The following CHSY3 variants were observed in gnomAD, a reference collection of about 807,000 sequenced individuals.
CHSY3 encodes chondroitin sulfate synthase 3.
Under a neutral mutation model 67.2 loss-of-function variants are expected in CHSY3, and 35 were observed. The ratio of observed to expected loss-of-function variants is 0.52; its 90% CI spans 0.40 to 0.69. The LOEUF is 0.69. Ranked by LOEUF, CHSY3 falls within the 30% of genes least tolerant of loss-of-function variation. The probability of loss-of-function intolerance (pLI) is 0.00; values close to 1 mark genes in which losing one functional copy is unlikely to be tolerated. For missense variants in CHSY3, 1,069 were observed against 1,138.5 expected, an observed-to-expected ratio of 0.94 and a Z score of 0.88; for synonymous variants, 474 against 434.7, an observed-to-expected ratio of 1.09 and a Z score of -1.12.
At chr5:129,972,497 G>T (rs1762671184) in intron 2 of CHSY3, among the ~76,000 whole-genome samples, 1 of 151,984 alleles carries the variant, frequency 6.6e-6, no homozygotes, top group South Asian at 2.1e-4. Flanking sequence ...TAAAATTTTT[G>T]ATGTTAATAG....
chr5:130,141,290 G>A, intron 2 of CHSY3: 1 of 429,204 alleles, frequency 2.3e-6, no homozygotes, highest in Non-Finnish European at 4.5e-6. Flanking sequence ...TTCCTATCAA[G>A]CAGACATAGA....
rs74662803 is a variant in CHSY3, at chr5:129,958,236, CTG to C, written c.1086+49878_1086+49879del. Among the ~76,000 whole-genome samples the C allele has an allele frequency of 2.0e-3, 308 of 152,148 alleles. 4 individuals are homozygous for C. In the East Asian group the frequency reaches 0.035, roughly 17 times the overall value. On this transcript the variant is annotated intron_variant, in intron 2 of 2. Coordinates refer to ENST00000305031, the MANE Select transcript of CHSY3 (RefSeq NM_175856.5). ...TTTGTCCTCTTCTTTCCTTGGGAAT[CTG>C]TTGATTCTTGGTTTTCATCTCATAT...
chr5:130,133,601 A>C (rs1480564346), intron 2 of CHSY3, among the ~76,000 whole-genome samples: 1 of 151,564 alleles, frequency 6.6e-6, no homozygotes, highest in Admixed American at 6.6e-5. Context: ...GTAAAACCCC[A>C]TCTATACTAA....
At chr5:130,179,956 G>A (rs374821999) in intron 2 of CHSY3, among the ~76,000 whole-genome samples, 3 of 152,166 alleles carry the variant, frequency 2.0e-5, no homozygotes, top group Admixed American at 6.5e-5. Flanking sequence ...GGGTTTAAGT[G>A]TTTAATTCTT....
intron 2 of CHSY3, among the ~76,000 whole-genome samples, chr5:129,970,201 A>G (rs1183949043): frequency 6.6e-6 from 1 of 151,686 alleles, no homozygotes; most frequent in African/African-American, 2.4e-5. Context: ...CTGTTTACTC[A>G]TTTCTTTTTT....
intron 2 of CHSY3, among the ~76,000 whole-genome samples, chr5:130,004,619 C>A (rs1580639388): frequency 1.3e-5 from 2 of 152,038 alleles, no homozygotes; most frequent in East Asian, 3.9e-4. Context: ...TAGGATAGCC[C>A]AAATTAATCT....
chr5:130,173,074 T>G (rs555494930), intron 2 of CHSY3, among the ~76,000 whole-genome samples: 84 of 152,276 alleles, frequency 5.5e-4, no homozygotes, highest in Middle Eastern at 3.4e-3. Context: ...TGAAAGTAAC[T>G]TGAAAATGCA....
intron 2 of CHSY3, among the ~76,000 whole-genome samples, chr5:129,945,538 A>G (rs1761827527): frequency 6.6e-6 from 1 of 152,126 alleles, no homozygotes; most frequent in Non-Finnish European, 1.5e-5. Context: ...CCCTGAGGGT[A>G]TGTGTCTCAT....
At chr5:130,003,107 G>C (rs1314676181) in intron 2 of CHSY3, among the ~76,000 whole-genome samples, 1 of 152,136 alleles carries the variant, frequency 6.6e-6, no homozygotes, top group Non-Finnish European at 1.5e-5. Flanking sequence ...TATGACTGTT[G>C]TCCTGTTTTT....
chr5:130,149,484 C>G (rs1769172198), intron 2 of CHSY3, among the ~76,000 whole-genome samples: 1 of 152,094 alleles, frequency 6.6e-6, no homozygotes, highest in African/African-American at 2.4e-5. Flanking sequence ...CCAGATCTTG[C>G]ATGAACTCGG....
chr5:130,159,730 G>A (rs1201070571), intron 2 of CHSY3, among the ~76,000 whole-genome samples: 1 of 152,128 alleles, frequency 6.6e-6, no homozygotes, highest in Non-Finnish European at 1.5e-5. Flanking sequence ...AGATACACAT[G>A]ACTAGAGGTA....
chr5:130,070,942 G>A (rs1435515916), intron 2 of CHSY3, among the ~76,000 whole-genome samples: 7 of 152,070 alleles, frequency 4.6e-5, no homozygotes, highest in Non-Finnish European at 8.8e-5. Flanking sequence ...TATTTGTAGA[G>A]AGAAGGGTTT....
intron 2 of CHSY3, among the ~76,000 whole-genome samples, chr5:129,986,154 C>CTGTGGT (rs1260241020): frequency 7.9e-5 from 12 of 152,064 alleles, no homozygotes; most frequent in African/African-American, 2.9e-4. Flanking sequence ...ATGCTGTTGG[C>CTGTGGT]TGTGGTTTTG....
intron 2 of CHSY3, among the ~76,000 whole-genome samples, chr5:129,939,607 C>G (rs999656190): frequency 2.6e-5 from 4 of 152,006 alleles, no homozygotes; most frequent in African/African-American, 7.2e-5. Flanking sequence ...AAATGAAAAC[C>G]TAGAATATGG....
chr5:129,916,849 T>C (rs1760744602), intron 2 of CHSY3, among the ~76,000 whole-genome samples: 1 of 152,168 alleles, frequency 6.6e-6, no homozygotes, highest in Non-Finnish European at 1.5e-5. Flanking sequence ...AATATAGAGT[T>C]GGGTTTCTCA....
chr5:130,039,545 A>G (rs1031945621), intron 2 of CHSY3, among the ~76,000 whole-genome samples: 12 of 152,048 alleles, frequency 7.9e-5, no homozygotes, highest in African/African-American at 2.9e-4. Flanking sequence ...TTAATGTGGA[A>G]TTTTCCCAGT....
intron 2 of CHSY3, among the ~76,000 whole-genome samples, chr5:130,163,288 A>T (rs544526738): frequency 2.0e-5 from 3 of 152,236 alleles, no homozygotes; most frequent in African/African-American, 7.2e-5. Context: ...TTAACCAAGA[A>T]TAAAGCACAT....
chr5:129,937,970 A>G (rs1761561345), intron 2 of CHSY3, among the ~76,000 whole-genome samples: 1 of 151,980 alleles, frequency 6.6e-6, no homozygotes, highest in African/African-American at 2.4e-5. Flanking sequence ...TCACTTCCCT[A>G]GTCGAGGTTT....
chr5:130,020,455 ATATATATTT>A (rs1488175004), intron 2 of CHSY3, among the ~76,000 whole-genome samples: 16 of 3,300 alleles, frequency 4.8e-3, no homozygotes, highest in African/African-American at 0.014. Flanking sequence ...ATATATATAT[ATATATATTT>A]TTTTTTTTTT....
Sources: allele counts gnomAD v4.1 joint callset (sites outside exome capture counted in the v4.1 genomes callset), GRCh38; gene constraint gnomAD v4.1.1; transcripts MANE v1.5; gene names NCBI Gene and HGNC (gene_info 2026-07-23, HGNC 2026-07-21).